Variants in PALM2AKAP2 observed in about 807,000 individuals in gnomAD.
The protein encoded by PALM2AKAP2 is PALM2 and AKAP2 fusion.
PALM2AKAP2 carries 37 observed loss-of-function variants against 71.5 expected under a neutral mutation model. The observed-to-expected ratio is 0.52, with a 90% CI of 0.40 to 0.68. PALM2AKAP2 has a LOEUF of 0.68. Ranked by LOEUF, PALM2AKAP2 falls within the 30% of genes least tolerant of loss-of-function variation. PALM2AKAP2 has a pLI of 0.00. For missense variants in PALM2AKAP2, 1,224 were observed against 1,191.8 expected (o/e 1.03, Z -0.40); for synonymous variants, 468 against 478.8 (o/e 0.98, Z 0.29).
At chr9:110,069,445 G>A (rs756185328) in intron 1 of PALM2AKAP2, among the ~76,000 whole-genome samples, 5 of 152,168 alleles carry the variant, frequency 3.3e-5, no homozygotes, top group Non-Finnish European at 5.9e-5. Context: ...TCATGAGACA[G>A]GTTCATTTTT....
At chr9:110,168,485 A>C in exon 4 of PALM2AKAP2, 1 of 1,614,160 alleles carries the variant, frequency 6.2e-7, no homozygotes, top group Non-Finnish European at 8.5e-7. Context: ...AGGAGGAAGA[A>C]GACAACGAAT....
chr9:109,879,760 G>A (rs1488944208), intron 2 of PALM2AKAP2, among the ~76,000 whole-genome samples: 3 of 150,130 alleles, frequency 2.0e-5, no homozygotes, highest in South Asian at 2.1e-4. Flanking sequence ...GCAGTGGCAC[G>A]GTCACAGCTC....
chr9:109,955,538 C>G (rs1831730637), intron 6 of PALM2AKAP2, among the ~76,000 whole-genome samples: 1 of 152,158 alleles, frequency 6.6e-6, no homozygotes, highest in Non-Finnish European at 1.5e-5. Context: ...ACAGCCCATA[C>G]TTATTTAAAT....
chr9:109,997,488 A>G (rs1356984416), intron 6 of PALM2AKAP2, among the ~76,000 whole-genome samples: 2 of 152,190 alleles, frequency 1.3e-5, no homozygotes, highest in African/African-American at 4.8e-5. Context: ...CAAGACATTG[A>G]GGGTTTTATA....
At chr9:109,814,673 G>A (rs376977743) in intron 1 of PALM2AKAP2, among the ~76,000 whole-genome samples, 1 of 152,324 alleles carries the variant, frequency 6.6e-6, no homozygotes, top group African/African-American at 2.4e-5. Context: ...GAAGCATGTG[G>A]TGCTCTCAGA....
intron 1 of PALM2AKAP2, among the ~76,000 whole-genome samples, chr9:109,743,028 C>G (rs987164081): frequency 3.9e-5 from 6 of 152,162 alleles, no homozygotes; most frequent in Non-Finnish European, 8.8e-5. Flanking sequence ...GCCCCTTGGT[C>G]TATTCCAGCC....
intron 1 of PALM2AKAP2, among the ~76,000 whole-genome samples, chr9:109,833,106 C>T (rs1828352533): frequency 6.6e-6 from 1 of 152,174 alleles, no homozygotes; most frequent in Admixed American, 6.5e-5. Context: ...CCTGTAATCC[C>T]AGCACTTTGG....
intron 6 of PALM2AKAP2, among the ~76,000 whole-genome samples, chr9:109,974,642 C>T (rs570440039): frequency 1.2e-4 from 19 of 152,232 alleles, no homozygotes; most frequent in Non-Finnish European, 2.5e-4. Context: ...AAAAAAATCC[C>T]CTGCAATGGT....
intron 1 of PALM2AKAP2, among the ~76,000 whole-genome samples, chr9:110,077,298 T>C (rs1351913735): frequency 6.6e-6 from 1 of 152,190 alleles, no homozygotes; most frequent in Non-Finnish European, 1.5e-5. Flanking sequence ...TAGGAAGCCT[T>C]TAGCATGTTA....
intron 1 of PALM2AKAP2, among the ~76,000 whole-genome samples, chr9:110,135,399 A>G (rs1197017434): frequency 6.7e-6 from 1 of 150,164 alleles, no homozygotes; most frequent in Non-Finnish European, 1.5e-5. Flanking sequence ...AAACATTAAG[A>G]AGATAGGGTT....
intron 1 of PALM2AKAP2, among the ~76,000 whole-genome samples, chr9:109,751,977 A>G (rs1359728093): frequency 6.6e-6 from 1 of 152,192 alleles, no homozygotes; most frequent in African/African-American, 2.4e-5. Flanking sequence ...AGTAAAAGTC[A>G]TAAAGATAAC....
intron 5 of PALM2AKAP2, among the ~76,000 whole-genome samples, chr9:109,930,119 T>C (rs1353564122): frequency 6.6e-6 from 1 of 152,032 alleles, no homozygotes; most frequent in African/African-American, 2.4e-5. Context: ...CTCCAACACA[T>C]ATAAGGCACC....
intron 1 of PALM2AKAP2, among the ~76,000 whole-genome samples, chr9:109,710,565 G>T (rs1554708074): frequency 6.6e-6 from 1 of 152,222 alleles, no homozygotes; most frequent in Non-Finnish European, 1.5e-5. Context: ...GCAAGACGGG[G>T]TGGGAAGGGA....
Position 109,715,776 on chromosome 9 carries a change from A to G in PALM2AKAP2, c.6-64712A>G, listed in dbSNP as rs1828309767. 1.3e-5 allele frequency among the ~76,000 whole-genome samples: 2 copies of G among 152,164 alleles called. 1 individual carries two copies. Among genetic ancestry groups the G allele is most frequent in the South Asian group, 4.1e-4 (2 of 4,824 alleles). ...ATTGTAGCCCCAGTTGTTCTAGCCT[A>G]TTTCATATCCATTAGAGGTCATGCT... On this transcript the variant is annotated intron_variant, in intron 1 of 6. Transcript: ENST00000374531.
intron 3 of PALM2AKAP2, among the ~76,000 whole-genome samples, chr9:110,163,782 G>T (rs10759393): frequency 6.6e-6 from 1 of 151,844 alleles, no homozygotes; most frequent in Admixed American, 6.6e-5. Context: ...TCAATCTTCT[G>T]TTATGGAAAT....
chr9:110,089,390 T>C (rs1278510349), intron 1 of PALM2AKAP2, among the ~76,000 whole-genome samples: 1 of 152,178 alleles, frequency 6.6e-6, no homozygotes, highest in Admixed American at 6.5e-5. Flanking sequence ...TTAAGGAATA[T>C]GGCATGGCTA....
intron 3 of PALM2AKAP2, among the ~76,000 whole-genome samples, chr9:109,907,320 A>T (rs1024195486): frequency 2.6e-5 from 4 of 152,216 alleles, no homozygotes; most frequent in African/African-American, 9.6e-5. Flanking sequence ...CACTTGCTTG[A>T]TAATGCTCGA....
At position 110,168,604 on chromosome 9, in the gene PALM2AKAP2, T is replaced by TG. The variant is rs2119296381; in HGVS notation, c.*107_*108insG. ...ACTATTTATTAAAGTGCAAACAAACTCAGCAATCCTTATGTAGACCAGAAG... is the reference window on the plus strand; with the variant it reads ...ACTATTTATTAAAGTGCAAACAAACTGCAGCAATCCTTATGTAGACCAGAAG... On this transcript the variant is annotated 3_prime_UTR_variant, in exon 4 of 4. Transcript: ENST00000374525. 3 of 1,317,668 alleles carry TG rather than the reference T, an allele frequency of 2.3e-6. No individual in the cohort carries two copies. The East Asian group carries it at 7.6e-5, about 34-fold the overall frequency. The allele number at this position is 1,317,668 out of a possible 1,614,324, so 81.6% of individuals were successfully genotyped here.
intron 1 of PALM2AKAP2, among the ~76,000 whole-genome samples, chr9:109,859,281 G>T (rs1829250304): frequency 6.6e-6 from 1 of 152,198 alleles, no homozygotes; most frequent in Non-Finnish European, 1.5e-5. Flanking sequence ...AAGGGAGTGT[G>T]TGTAGTGGAG....
Sources: allele counts gnomAD v4.1 joint callset (sites outside exome capture counted in the v4.1 genomes callset), GRCh38; gene constraint gnomAD v4.1.1; transcripts MANE v1.5; gene names NCBI Gene and HGNC (gene_info 2026-07-23, HGNC 2026-07-21).